ABCA3: variants seen among roughly 807,000 people sequenced by gnomAD.
ABCA3 encodes ATP binding cassette subfamily A member 3, also known as phospholipid-transporting ATPase ABCA3.
A neutral mutation model predicts 172.8 loss-of-function variants in ABCA3; 88 were observed. The observed-to-expected ratio is 0.51, with a 90% CI of 0.43 to 0.61. The LOEUF (loss-of-function observed/expected upper bound fraction) is 0.61. ABCA3 is among the 20% of genes least tolerant of loss of function. The pLI, the probability that ABCA3 is intolerant of heterozygous loss-of-function variation, is 0.00. For synonymous variants in ABCA3, 1,066 were observed against 983.8 expected, an observed-to-expected ratio of 1.08 and a Z score of -1.56; for missense variants, 2,164 against 2,301.0, an observed-to-expected ratio of 0.94 and a Z score of 1.22.
intron 10 of ABCA3, among the ~76,000 whole-genome samples, chr16:2,311,445 G>A (rs1419670463): frequency 6.6e-6 from 1 of 152,166 alleles, no homozygotes; most frequent in Non-Finnish European, 1.5e-5. Flanking sequence ...TTTCGGAAAG[G>A]TTAGTTGCCA....
At chr16:2,330,361 C>G (rs1461698749) in intron 1 of ABCA3, among the ~76,000 whole-genome samples, 1 of 149,464 alleles carries the variant, frequency 6.7e-6, no homozygotes, top group Admixed American at 6.6e-5. Context: ...CTCTTGTGGC[C>G]CAGGCTGGAG....
Position 2,283,951 on chromosome 16 carries a change from C to T in ABCA3, c.3862+328G>A, listed in dbSNP as rs1866159463. On this transcript the variant is annotated intron_variant, in intron 25 of 32. Coordinates refer to ENST00000301732, the MANE Select transcript of ABCA3 (RefSeq NM_001089.3). The surrounding 1 kb of genome is among the most constrained non-coding windows in gnomAD (Gnocchi z 5.4). ...AGGTGCAGCCAGGAGCTCAGGATGCCTGGAGCCTCCAGGAGATGGGAGAAG... is the reference window on the plus strand; with the variant it reads ...AGGTGCAGCCAGGAGCTCAGGATGCTTGGAGCCTCCAGGAGATGGGAGAAG... 1 of 293,584 alleles carries T rather than the reference C, an allele frequency of 3.4e-6. No homozygotes were observed. Among genetic ancestry groups the T allele is most frequent in the South Asian group, 4.5e-5 (1 of 22,146 alleles). The allele number at this position is 293,584 out of a possible 1,614,324, so 18.2% of individuals were successfully genotyped here.
At position 2,281,091 on chromosome 16, in the gene ABCA3, T is replaced by A; in HGVS notation, c.4295A>T (p.Glu1432Val). The stretch of plus-strand genomic sequence containing the variant: ...GGCATCCCCAGAAGTGAGGCTCTCC[T>A]CCCCGGTCAGCATTTTGAAAGTCGT... ...KTTTFKMLTG[E>V]ESLTSGDAFV... is the part of the protein sequence containing the mutation. The change falls in exon 28 of 33, where the codon GAG (glutamate) becomes GTG (valine). Residue 1432 changes from glutamate to valine, a missense_variant. Physicochemically the swap from Glu to Val is moderately radical, Grantham distance 121. This residue lies in a region of ABCA3 where 795 missense variants were observed against 881.9 expected (regional missense o/e 0.90). Coordinates refer to ENST00000301732, the MANE Select transcript of ABCA3 (RefSeq NM_001089.3). This position sits in a 1 kb window ranked among gnomAD's most constrained non-coding sequence, Gnocchi z 4.7. The A allele has an allele frequency of 6.2e-7, 1 of 1,613,772 alleles. No homozygotes were observed. The highest frequency in any genetic ancestry group is 8.5e-7 in the Non-Finnish European group (1 of 1,179,974).
At chr16:2,338,916 G>A (rs1304957146) in intron 1 of ABCA3, among the ~76,000 whole-genome samples, 1 of 151,992 alleles carries the variant, frequency 6.6e-6, no homozygotes, top group Non-Finnish European at 1.5e-5. Flanking sequence ...CACCATGCCC[G>A]GCTAATTTTT....
rs2093650182 is a variant in ABCA3 at position 2,278,507 on chromosome 16, T to C, written c.4548-49A>G. The stretch of plus-strand genomic sequence containing the variant: ...GGGGGAATAAGGCTGAGAGTTAGCA[T>C]TGGCTCCCATGTCCCAGTGGAGGCC... On this transcript the variant is annotated intron_variant, in intron 29 of 32. Transcript: ENST00000301732. The surrounding 1 kb of genome is among the most constrained non-coding windows in gnomAD (Gnocchi z 4.4). The C allele has an allele frequency of 1.2e-6, 2 of 1,600,010 alleles. No homozygotes were observed. Among genetic ancestry groups the C allele is most frequent in the Non-Finnish European group, 1.7e-6 (2 of 1,177,320 alleles).
intron 1 of ABCA3, among the ~76,000 whole-genome samples, chr16:2,333,914 T>C (rs2093747456): frequency 6.6e-6 from 1 of 152,042 alleles, no homozygotes; most frequent in African/African-American, 2.4e-5. Flanking sequence ...GGTCTCAAAC[T>C]CTTGACCTTG....
At chr16:2,319,544 G>C in intron 8 of ABCA3, 37 bp downstream of exon 8, 1 of 1,604,730 alleles carries the variant, frequency 6.2e-7, no homozygotes, top group Non-Finnish European at 8.5e-7. Context: ...GGACAGCGCG[G>C]TTTCTAGAGT....
chr16:2,312,653 C>T lies in ABCA3; in HGVS notation c.1112-4030G>A, dbSNP rs369296879. Reference sequence around the variant, plus strand: ...AAGTGATTCTCCTGCCTCAGCCTCCCGAGTAGCTGGGATTACAAGTGCCCA... The same window carrying T: ...AAGTGATTCTCCTGCCTCAGCCTCCTGAGTAGCTGGGATTACAAGTGCCCA... On this transcript the variant is annotated intron_variant, in intron 10 of 32. Transcript: ENST00000301732. 2.7e-3 allele frequency among the ~76,000 whole-genome samples: 415 copies of T among 151,914 alleles called. 2 individuals are homozygous for T. The highest frequency in any genetic ancestry group is 9.4e-3 in the African/African-American group (390 of 41,418).
At chr16:2,299,970 GC>G in intron 13 of ABCA3, 34 bp downstream of exon 13, 1 of 1,610,294 alleles carries the variant, frequency 6.2e-7, no homozygotes. Context: ...GGTCCTGGCA[GC>G]CCCGGCCCTC....
chr16:2,297,836 C>T lies in ABCA3; in HGVS notation c.1982G>A (p.Arg661Gln), dbSNP rs376672600. The T allele has an allele frequency of 2.7e-5, 44 of 1,613,644 alleles. No individual in the cohort carries two copies. The highest frequency in any genetic ancestry group is 1.6e-4 in the South Asian group (15 of 91,090). The stretch of plus-strand genomic sequence containing the variant: ...CATGCCCCCGCTCAGGAAGCGGCTC[C>T]GTGAGTTCCACTTGTCCTCCAGGCC... ...IIGLEDKWNS[R>Q]SRFLSGGMRR... The change falls in exon 16 of 33, where the codon CGG (arginine) becomes CAG (glutamine). Residue 661 changes from arginine (R) to glutamine (Q), a missense_variant. This residue lies in a region of ABCA3 where 1,343 missense variants were observed against 1,369.6 expected (regional missense o/e 0.98). Transcript: ENST00000301732. This position sits in a 1 kb window ranked among gnomAD's most constrained non-coding sequence, Gnocchi z 5.6.
In ABCA3 at chr16:2,328,657, G is replaced by A. The variant is rs1314503409; in HGVS notation, c.-231C>T. On this transcript the variant is annotated 5_prime_UTR_variant, in exon 3 of 33. Transcript: ENST00000301732. ...GGTCCACTCGCTACAACTGCAGGCA[G>A]AGAGGAGTCCTTCCCGCTCAGCGTC... The A allele has an allele frequency of 1.7e-5, 8 of 460,600 alleles. No individual in the cohort carries two copies. The highest frequency in any genetic ancestry group is 1.4e-4 in the Admixed American group (6 of 42,180). 28.5% of individuals were successfully genotyped at this position (460,600 alleles called of 1,614,324 possible). A position where few individuals can be genotyped will look rare whatever the true frequency, so the allele number is the denominator to read the frequency against.
At position 2,284,961 on chromosome 16, in the gene ABCA3, C is replaced by T. The variant is rs1360790282; in HGVS notation, c.3521G>A (p.Arg1174Gln). The T allele has an allele frequency of 8.1e-6, 13 of 1,613,714 alleles. No individual in the cohort carries two copies. The highest frequency in any genetic ancestry group is 2.7e-5 in the African/African-American group (2 of 75,012). ...FKAFDVRAFT[R>Q]DGHMADTLLL... The stretch of plus-strand genomic sequence containing the variant: ...CAGGGTGTCAGCCATGTGGCCGTCC[C>T]GCGTGAAGGCACGCACGTCGAAGGC... Residue 1174 changes from arginine to glutamine, a missense_variant, in exon 24 of 33, where the codon CGG becomes CAG. Around this residue, in one of 3 missense-constraint regions of ABCA3, gnomAD observed 795 missense variants for 881.9 expected, o/e 0.90. Transcript: ENST00000301732. This position sits in a 1 kb window ranked among gnomAD's most constrained non-coding sequence, Gnocchi z 5.9.
In ABCA3 at chr16:2,297,895, G is replaced by A; in HGVS notation, c.1923C>T (p.Cys641=). The change falls in exon 16 of 33, where the codon TGC becomes TGT. Residue 641 remains cysteine (C), a synonymous_variant. Transcript: ENST00000301732. The surrounding 1 kb of genome is among the most constrained non-coding windows in gnomAD (Gnocchi z 5.6). The part of the protein sequence containing the change: ...AQLKGLSRQK[C]PEEVKQMLHI... ...GCAGCATCTGCTTGACTTCTTCAGGGCACTTCTGACGTGACAGGCCCTTCA... is the reference window on the plus strand; with the variant it reads ...GCAGCATCTGCTTGACTTCTTCAGGACACTTCTGACGTGACAGGCCCTTCA... The A allele has an allele frequency of 6.2e-7, 1 of 1,613,806 alleles. No homozygotes were observed. Among genetic ancestry groups the A allele is most frequent in the East Asian group, 2.2e-5 (1 of 44,860 alleles).
intron 5 of ABCA3, 62 bp from the exon 6 acceptor site, chr16:2,324,593 C>G (rs1464012482): frequency 8.1e-6 from 13 of 1,599,060 alleles, no homozygotes; most frequent in Non-Finnish European, 1.0e-5. Flanking sequence ...GAAAAATCTG[C>G]GTGGTTCAGG....
rs765175808 is a variant in ABCA3, at chr16:2,297,525, G to A, written c.2067C>T (p.Asp689=). The change falls in exon 17 of 33, where the codon GAC becomes GAT. Residue 689 remains aspartate (D), a synonymous_variant. Coordinates refer to ENST00000301732, the MANE Select transcript of ABCA3 (RefSeq NM_001089.3). The surrounding 1 kb of genome is among the most constrained non-coding windows in gnomAD (Gnocchi z 5.6). The part of the protein sequence containing the change: ...LIAGSKVLIL[D]EPTSGMDAIS... ...TGGCGTCCATGCCCGAGGTGGGCTC[G>A]TCCAGTATCAGCACCTGGAGGGAGA... 1 of 1,612,538 alleles carries A rather than the reference G, an allele frequency of 6.2e-7. No homozygotes were observed. Among genetic ancestry groups the A allele is most frequent in the South Asian group, 1.1e-5 (1 of 91,058 alleles).
chr16:2,332,453 C>A (rs920694827), intron 1 of ABCA3: 1 of 1,112,572 alleles, frequency 9.0e-7, no homozygotes, highest in Non-Finnish European at 1.3e-6. Context: ...GAAGCCTCAT[C>A]CATATACTTC....
chr16:2,295,768 T>G, intron 17 of ABCA3, 28 bp from the exon 18 acceptor site: 1 of 1,613,448 alleles, frequency 6.2e-7, no homozygotes, highest in South Asian at 1.1e-5. Context: ...GTGTGAGATC[T>G]TTGGCTGATC....
chr16:2,337,588 T>C (rs2093753943), intron 1 of ABCA3, among the ~76,000 whole-genome samples: 1 of 151,718 alleles, frequency 6.6e-6, no homozygotes, highest in Non-Finnish European at 1.5e-5. Flanking sequence ...TCTTGCCATG[T>C]TGCCCAGGCT....
At chr16:2,292,686 G>A (rs142027895) in intron 18 of ABCA3, among the ~76,000 whole-genome samples, 2,420 of 152,216 alleles carry the variant, frequency 0.016, 68 homozygotes, top group African/African-American at 0.055. Context: ...TTGGGAGGCC[G>A]AGGTGGGCGA....
Sources: allele counts gnomAD v4.1 joint callset (sites outside exome capture counted in the v4.1 genomes callset), GRCh38; gene constraint gnomAD v4.1.1; regional missense constraint gnomAD v4.1.1; non-coding constraint Gnocchi (gnomAD v3.1); transcripts MANE v1.5; gene names NCBI Gene and HGNC (gene_info 2026-07-23, HGNC 2026-07-21).